LARP1: variants seen among roughly 807,000 people sequenced by gnomAD.
LARP1 encodes la-related protein 1.
In LARP1, 36 loss-of-function variants were observed where a neutral mutation model predicts 122.7. The ratio of observed to expected loss-of-function variants is 0.29; its 90% CI spans 0.22 to 0.39. The LOEUF (loss-of-function observed/expected upper bound fraction) is 0.39. Ranked by LOEUF, LARP1 falls within the 10% of genes least tolerant of loss-of-function variation. The probability of loss-of-function intolerance (pLI) is 1.00; values close to 1 mark genes in which losing one functional copy is unlikely to be tolerated. For synonymous variants in LARP1, 539 were observed against 528.7 expected (o/e 1.02, Z -0.27); for missense variants, 1,040 against 1,403.6 (o/e 0.74, Z 4.14).
At chr5:154,730,409 A>G (rs1385493260) in intron 1 of LARP1, among the ~76,000 whole-genome samples, 1 of 151,426 alleles carries the variant, frequency 6.6e-6, no homozygotes, top group Non-Finnish European at 1.5e-5. Flanking sequence ...GACCTATAGC[A>G]CACATGTAGA....
chr5:154,729,414 C>A, intron 1 of LARP1: 1 of 356,446 alleles, frequency 2.8e-6, no homozygotes, highest in Non-Finnish European at 5.4e-6. Flanking sequence ...ACTGAAGAGT[C>A]TACAGTGTTA....
At chr5:154,733,360 A>C (rs1263678457) in intron 1 of LARP1, among the ~76,000 whole-genome samples, 1 of 151,996 alleles carries the variant, frequency 6.6e-6, no homozygotes, top group Non-Finnish European at 1.5e-5. Context: ...TGACATTTCT[A>C]TTTTTTATTT....
chr5:154,748,017 CT>C (rs933276135), intron 1 of LARP1, among the ~76,000 whole-genome samples: 2 of 152,108 alleles, frequency 1.3e-5, no homozygotes, highest in African/African-American at 2.4e-5. Context: ...CAGCTAATTT[CT>C]TTTTTATTTT....
At chr5:154,685,431 T>G (rs1753884696) in intron 1 of LARP1, among the ~76,000 whole-genome samples, 1 of 152,122 alleles carries the variant, frequency 6.6e-6, no homozygotes, top group Non-Finnish European at 1.5e-5. Context: ...GTTCCTCATA[T>G]TCCAAGCTGG....
intron 1 of LARP1, among the ~76,000 whole-genome samples, chr5:154,732,559 G>T (rs1025323282): frequency 1.1e-4 from 16 of 152,150 alleles, no homozygotes; most frequent in Non-Finnish European, 2.1e-4. Context: ...ATCTGAAATT[G>T]ATGTTATATT....
At chr5:154,738,260 C>A (rs1386046059) in intron 1 of LARP1, among the ~76,000 whole-genome samples, 1 of 152,306 alleles carries the variant, frequency 6.6e-6, no homozygotes, top group East Asian at 1.9e-4. Flanking sequence ...TTTCTCACAA[C>A]CTGAGCCCTA....
At chr5:154,717,902 A>G (rs1034311603) in intron 1 of LARP1, among the ~76,000 whole-genome samples, 4 of 152,062 alleles carry the variant, frequency 2.6e-5, no homozygotes, top group Admixed American at 1.3e-4. Flanking sequence ...CCTATGGGTT[A>G]GAAATAGCCT....
At position 154,726,400 on chromosome 5, in the gene LARP1, A is replaced by T. The variant is rs1756219249; in HGVS notation, c.205+13270A>T. On this transcript the variant is annotated intron_variant, in intron 1 of 18. Coordinates refer to the LARP1 transcript ENST00000336314. ...TCGATCAAAATTTACCTGACATTTCAGTAGACAAAACCACATGGCTGAAAA... is the reference window on the plus strand; with the variant it reads ...TCGATCAAAATTTACCTGACATTTCTGTAGACAAAACCACATGGCTGAAAA... Among the ~76,000 whole-genome samples, 3 of 152,344 alleles carry T rather than the reference A, an allele frequency of 2.0e-5. No homozygotes were observed. In the South Asian group the frequency reaches 6.2e-4, roughly 32 times the overall value.
intron 1 of LARP1, among the ~76,000 whole-genome samples, chr5:154,737,737 T>C (rs141298614): frequency 6.6e-6 from 1 of 152,260 alleles, no homozygotes; most frequent in African/African-American, 2.4e-5. Flanking sequence ...TGTTTTCTCC[T>C]CAAAACTCTC....
chr5:154,768,562 TTTTA>T (rs1173573407), intron 1 of LARP1, among the ~76,000 whole-genome samples: 5 of 152,068 alleles, frequency 3.3e-5, no homozygotes, highest in African/African-American at 9.7e-5. Flanking sequence ...GTACCCTATT[TTTTA>T]TTTATTTATT....
Position 154,728,572 on chromosome 5 carries a change from G to A in LARP1, c.205+15442G>A, listed in dbSNP as rs1444922909. ...AATGGAGAGAGAGGCAGAGCCGACA[G>A]CCAACACCAACCACCAGACACAGTA... On this transcript the variant is annotated intron_variant, in intron 1 of 18. Transcript: ENST00000336314. 1.3e-5 allele frequency among the ~76,000 whole-genome samples: 2 copies of A among 152,140 alleles called. 1 individual carries two copies. The highest frequency in any genetic ancestry group is 1.3e-4 in the Admixed American group (2 of 15,274).
intron 1 of LARP1, among the ~76,000 whole-genome samples, chr5:154,770,812 T>C (rs947294295): frequency 6.6e-5 from 10 of 152,090 alleles, no homozygotes; most frequent in African/African-American, 2.4e-4. Context: ...TCACAACTTT[T>C]ATAAAGGGAT....
intron 8 of LARP1, 22 bp downstream of exon 8, chr5:154,795,341 T>C (rs1360626464): frequency 6.2e-7 from 1 of 1,610,300 alleles, no homozygotes; most frequent in East Asian, 2.2e-5. Flanking sequence ...TCCCTGGAGC[T>C]GGGATGCAGG....
At chr5:154,770,440 C>A (rs1184616425) in intron 1 of LARP1, among the ~76,000 whole-genome samples, 2 of 152,078 alleles carry the variant, frequency 1.3e-5, no homozygotes, top group Non-Finnish European at 2.9e-5. Context: ...ATGCTGAGGA[C>A]AGGTGCTTCC....
At chr5:154,687,468 G>A (rs1417396631) in intron 1 of LARP1, among the ~76,000 whole-genome samples, 2 of 152,138 alleles carry the variant, frequency 1.3e-5, no homozygotes, top group Non-Finnish European at 1.5e-5. Flanking sequence ...TGCAAGCTCC[G>A]CCTCCTGGGT....
chr5:154,693,862 AAAAAAAAAAAG>A (rs1029969193), intron 1 of LARP1, among the ~76,000 whole-genome samples: 1 of 150,580 alleles, frequency 6.6e-6, no homozygotes, highest in African/African-American at 2.5e-5. Flanking sequence ...TCTAAAAAAA[AAAAAAAAAAAG>A]AAAGAAAGTT....
At position 154,806,103 on chromosome 5, in the gene LARP1, G is replaced by A. The variant is rs1272704584; in HGVS notation, c.2698+71G>A. 6.1e-6 allele frequency: 9 copies of A among 1,485,466 alleles called. No individual in the cohort carries two copies. In the African/African-American group the frequency reaches 9.9e-5, roughly 16 times the overall value. The allele number at this position is 1,485,466 out of a possible 1,614,324, so 92.0% of individuals were successfully genotyped here. On this transcript the variant is annotated intron_variant, in intron 15 of 18. Coordinates refer to ENST00000518297, the MANE Select transcript of LARP1 (RefSeq NM_033551.3). ...TAGACCCAGAGTATAAGAGTTGGGGGATACGGGGATAGGTGACTCTTTTCT... is the reference window on the plus strand; with the variant it reads ...TAGACCCAGAGTATAAGAGTTGGGGAATACGGGGATAGGTGACTCTTTTCT...
chr5:154,784,383 G>A (rs969828039), intron 1 of LARP1, among the ~76,000 whole-genome samples: 3 of 152,264 alleles, frequency 2.0e-5, no homozygotes, highest in Non-Finnish European at 2.9e-5. Context: ...TCGACCTAAC[G>A]GCCAAGTGTA....
chr5:154,808,314 G>C lies in LARP1; in HGVS notation c.2699-145G>C, dbSNP rs1013521597. 7 of 971,394 alleles carry C rather than the reference G, an allele frequency of 7.2e-6. No individual in the cohort carries two copies. The African/African-American group carries it at 1.2e-4, about 16-fold the overall frequency. The allele number at this position is 971,394 out of a possible 1,614,324, so 60.2% of individuals were successfully genotyped here. On this transcript the variant is annotated intron_variant, in intron 15 of 18. Transcript: ENST00000518297. ...AGTGGTTAGTGCTCAATAGATATCT[G>C]CTGAATGACTGAGTGGCAGATGATG...
Sources: allele counts gnomAD v4.1 joint callset (sites outside exome capture counted in the v4.1 genomes callset), GRCh38; gene constraint gnomAD v4.1.1; transcripts MANE v1.5; gene names NCBI Gene and HGNC (gene_info 2026-07-23, HGNC 2026-07-21).